Variants in GTF2A1L observed in about 807,000 individuals in gnomAD.
GTF2A1L encodes general transcription factor IIA subunit 1 like.
GTF2A1L carries 48 observed loss-of-function variants against 49.7 expected under a neutral mutation model. The observed-to-expected ratio is 0.97, with a 90% CI of 0.77 to 1.23. The LOEUF is 1.23. GTF2A1L is among the 50% of genes most tolerant of loss of function. GTF2A1L has a pLI of 0.00. For missense variants in GTF2A1L, 736 were observed against 564.8 expected (o/e 1.30, Z -3.07); for synonymous variants, 246 against 193.5 (o/e 1.27, Z -2.25).
At chr2:48,617,979 C>T (rs929160647) in intron 1 of GTF2A1L, 84 bp downstream of exon 1, 1 of 1,338,788 alleles carries the variant, frequency 7.5e-7, no homozygotes, top group Non-Finnish European at 1.0e-6. Flanking sequence ...CTTTTGTTTC[C>T]CCCTGACACT....
chr2:48,665,005 A>G (rs887383683), intron 6 of GTF2A1L, among the ~76,000 whole-genome samples: 7 of 151,738 alleles, frequency 4.6e-5, no homozygotes, highest in African/African-American at 1.7e-4. Context: ...CACTGCAACC[A>G]GCACCTCCTG....
At chr2:48,635,727 A>G (rs1280855134) in intron 3 of GTF2A1L, among the ~76,000 whole-genome samples, 1 of 152,024 alleles carries the variant, frequency 6.6e-6, no homozygotes, top group East Asian at 1.9e-4. Flanking sequence ...CTGTGGCGCA[A>G]GAGTAAAATG....
At chr2:48,644,404 C>T (rs62137507) in intron 4 of GTF2A1L, among the ~76,000 whole-genome samples, 1 of 152,050 alleles carries the variant, frequency 6.6e-6, no homozygotes, top group Non-Finnish European at 1.5e-5. Flanking sequence ...TACAAATTGA[C>T]CTTCGTGGAT....
chr2:48,667,711 G>C (rs531554639), intron 6 of GTF2A1L, among the ~76,000 whole-genome samples: 1 of 152,114 alleles, frequency 6.6e-6, no homozygotes, highest in South Asian at 2.1e-4. Context: ...TAGTCAATTT[G>C]AATTTTTCTA....
intron 3 of GTF2A1L, among the ~76,000 whole-genome samples, chr2:48,635,810 G>A (rs1433007625): frequency 1.3e-5 from 2 of 152,072 alleles, no homozygotes; most frequent in East Asian, 3.9e-4. Flanking sequence ...ATGGCATCCT[G>A]TGCTTGGTCC....
chr2:48,648,250 A>AT (rs1380805421), intron 6 of GTF2A1L, among the ~76,000 whole-genome samples: 1 of 152,152 alleles, frequency 6.6e-6, no homozygotes, highest in Non-Finnish European at 1.5e-5. Context: ...AACATAACAT[A>AT]TAACACTTAG....
rs1258516572 is a variant in GTF2A1L at position 48,628,292 on chromosome 2, A to G, written c.247+7002A>G. Among the ~76,000 whole-genome samples the G allele has an allele frequency of 1.4e-5, 2 of 143,956 alleles. 1 individual carries two copies. The highest frequency in any genetic ancestry group is 3.1e-5 in the Non-Finnish European group (2 of 63,882). 94.4% of individuals were successfully genotyped at this position (143,956 alleles called of 152,430 possible). A position where few individuals can be genotyped will look rare whatever the true frequency, so the allele number is the denominator to read the frequency against. ...TAGTTCTATTTTAAGTTCTTAGGGA[A>G]ATCTCCAAACTGTTGTCCACAGTGG... On this transcript the variant is annotated intron_variant, in intron 3 of 8. Coordinates refer to ENST00000403751, the MANE Select transcript of GTF2A1L (RefSeq NM_006872.5).
At chr2:48,660,077 T>G (rs1678397830) in intron 6 of GTF2A1L, among the ~76,000 whole-genome samples, 1 of 112,104 alleles carries the variant, frequency 8.9e-6, no homozygotes, top group Admixed American at 1.0e-4. Context: ...ATTTCAGGGG[T>G]TTACCATTCA....
chr2:48,618,725 G>A (rs1675803300), intron 1 of GTF2A1L, among the ~76,000 whole-genome samples: 1 of 152,174 alleles, frequency 6.6e-6, no homozygotes, highest in African/African-American at 2.4e-5. Flanking sequence ...AGGTTACTAT[G>A]TATGCCAATT....
chr2:48,669,202 C>G (rs754289822), intron 6 of GTF2A1L, among the ~76,000 whole-genome samples: 1 of 152,162 alleles, frequency 6.6e-6, no homozygotes, highest in Admixed American at 6.5e-5. Flanking sequence ...CTTCATATCC[C>G]CTAGTAACCT....
intron 6 of GTF2A1L, among the ~76,000 whole-genome samples, chr2:48,669,023 T>C (rs977544700): frequency 6.6e-6 from 1 of 152,144 alleles, no homozygotes; most frequent in Non-Finnish European, 1.5e-5. Flanking sequence ...TGTGCTGAAT[T>C]ATCTATAACA....
chr2:48,634,389 G>A (rs992447289), intron 3 of GTF2A1L, among the ~76,000 whole-genome samples: 10 of 152,162 alleles, frequency 6.6e-5, no homozygotes, highest in African/African-American at 2.4e-4. Context: ...GGGATTACAG[G>A]CATGAGCCAC....
At chr2:48,667,115 A>ATTTT (rs57507576) in intron 6 of GTF2A1L, among the ~76,000 whole-genome samples, 4 of 142,886 alleles carry the variant, frequency 2.8e-5, no homozygotes, top group Non-Finnish European at 3.0e-5. Flanking sequence ...CTCCCAGCTA[A>ATTTT]TTTTTTTTTT....
intron 3 of GTF2A1L, among the ~76,000 whole-genome samples, chr2:48,641,194 C>G (rs1310146574): frequency 6.6e-6 from 1 of 152,156 alleles, no homozygotes; most frequent in African/African-American, 2.4e-5. Flanking sequence ...GCTTTGCTCA[C>G]TTCAGCTAAT....
intron 6 of GTF2A1L, among the ~76,000 whole-genome samples, chr2:48,658,537 A>T (rs1486106832): frequency 6.6e-6 from 1 of 152,144 alleles, no homozygotes; most frequent in Non-Finnish European, 1.5e-5. Context: ...AGGTAATGTG[A>T]TGCCTCCAGC....
rs1427134704 is a variant in GTF2A1L at position 48,646,600 on chromosome 2, C to T, written c.536C>T (p.Ser179Phe). ...AGTGTTCCACAATTGAATCCATGGT[C>T]TCTTCAAGCAACTACTGAAAAATCA... ...QTSVPQLNPW[S>F]LQATTEKSQR... is the part of the protein sequence containing the mutation. The change falls in exon 6 of 9, where the codon TCT (serine) becomes TTT (phenylalanine). Residue 179 changes from serine to phenylalanine, a missense_variant. Ser to Phe is a radical substitution (Grantham distance 155). Transcript: ENST00000403751. 3.1e-6 allele frequency: 5 copies of T among 1,614,030 alleles called. No individual in the cohort carries two copies. The Admixed American group carries it at 5.0e-5, about 16-fold the overall frequency.
intron 7 of GTF2A1L, 93 bp from the exon 8 acceptor site, chr2:48,671,498 C>T (rs916961939): frequency 7.9e-5 from 105 of 1,334,662 alleles, no homozygotes; most frequent in South Asian, 1.1e-4. Flanking sequence ...GCCACCACGC[C>T]GAGACAAGTT....
At chr2:48,640,059 G>A (rs937909056) in intron 3 of GTF2A1L, among the ~76,000 whole-genome samples, 8 of 152,168 alleles carry the variant, frequency 5.3e-5, no homozygotes, top group Non-Finnish European at 8.8e-5. Flanking sequence ...AGATACTGGT[G>A]AGGTTGCAGA....
intron 3 of GTF2A1L, among the ~76,000 whole-genome samples, chr2:48,636,884 C>T (rs1275154118): frequency 6.6e-6 from 1 of 152,016 alleles, no homozygotes; most frequent in Non-Finnish European, 1.5e-5. Flanking sequence ...AAGTCAGCTT[C>T]TGTATTTGGT....
Sources: gnomAD v4.1 joint callset for allele counts (sites outside exome capture counted in the v4.1 genomes callset) on GRCh38, gnomAD v4.1.1 for gene constraint, MANE v1.5 for transcripts, NCBI Gene and HGNC (gene_info 2026-07-23, HGNC 2026-07-21) for gene names.